SEPHS1: variants seen among roughly 807,000 people sequenced by gnomAD.
SEPHS1 encodes selenophosphate synthetase 1.
Under a neutral mutation model 39.2 loss-of-function variants are expected in SEPHS1, and 7 were observed. The ratio of observed to expected loss-of-function variants is 0.18; its 90% CI spans 0.10 to 0.34. The LOEUF (loss-of-function observed/expected upper bound fraction) is 0.34. SEPHS1 is among the 10% of genes least tolerant of loss of function. The probability of loss-of-function intolerance (pLI) is 1.00; values close to 1 mark genes in which losing one functional copy is unlikely to be tolerated. For synonymous variants in SEPHS1, 190 were observed against 195.5 expected (o/e 0.97, Z 0.23); for missense variants, 253 against 514.5 (o/e 0.49, Z 4.92).
chr10:13,330,959 A>G (rs1833448448), intron 5 of SEPHS1, among the ~76,000 whole-genome samples: 1 of 152,008 alleles, frequency 6.6e-6, no homozygotes, highest in South Asian at 2.1e-4. Context: ...TACATTAGGT[A>G]TATCTCCTAA....
chr10:13,342,409 C>T (rs371816618), intron 2 of SEPHS1, among the ~76,000 whole-genome samples: 20 of 152,026 alleles, frequency 1.3e-4, no homozygotes, highest in African/African-American at 2.9e-4. Context: ...CTTGAAACCC[C>T]GTCTCTACTA....
intron 8 of SEPHS1, among the ~76,000 whole-genome samples, chr10:13,321,573 C>T (rs1048625248): frequency 4.0e-5 from 6 of 151,432 alleles, no homozygotes; most frequent in African/African-American, 1.2e-4. Context: ...CACTCTTTTG[C>T]GGGTAGAAAA....
At position 13,318,218 on chromosome 10, in the gene SEPHS1, G is replaced by A. The variant is rs1832998857; in HGVS notation, c.*924C>T. 6.6e-6 allele frequency: 1 copy of A among 152,522 alleles called. No individual in the cohort carries two copies. Among genetic ancestry groups the A allele is most frequent in the Admixed American group, 6.6e-5 (1 of 15,248 alleles). 9.4% of individuals were successfully genotyped at this position (152,522 alleles called of 1,614,324 possible). ...AAGGACAAAATAATGCTAAGAATTA[G>A]GCCAAACAGCTGCTGATTTTAAGAA... On this transcript the variant is annotated 3_prime_UTR_variant, in exon 9 of 9. Coordinates refer to ENST00000327347, the MANE Select transcript of SEPHS1 (RefSeq NM_012247.5).
intron 4 of SEPHS1, among the ~76,000 whole-genome samples, chr10:13,334,624 G>A (rs772742630): frequency 6.6e-6 from 1 of 151,906 alleles, no homozygotes; most frequent in Non-Finnish European, 1.5e-5. Context: ...GTGGGAGGAT[G>A]TCTTGAGCCC....
chr10:13,330,590 TC>T (rs1340473108), intron 5 of SEPHS1, among the ~76,000 whole-genome samples: 1 of 152,134 alleles, frequency 6.6e-6, no homozygotes, highest in Non-Finnish European at 1.5e-5. Flanking sequence ...CCTGAATCGT[TC>T]CATTCCCCGA....
intron 2 of SEPHS1, among the ~76,000 whole-genome samples, chr10:13,341,170 T>TC (rs1351887513): frequency 1.3e-5 from 2 of 152,138 alleles, no homozygotes; most frequent in African/African-American, 4.8e-5. Flanking sequence ...ACCAATCACA[T>TC]TTCAAGGAAG....
At chr10:13,320,786 C>T (rs1303466522) in intron 8 of SEPHS1, among the ~76,000 whole-genome samples, 3 of 152,174 alleles carry the variant, frequency 2.0e-5, no homozygotes, top group South Asian at 2.1e-4. Context: ...TGAGATCGCG[C>T]CATTGCACTC....
chr10:13,329,850 T>A, intron 5 of SEPHS1, 62 bp from the exon 6 acceptor site: 1 of 1,305,988 alleles, frequency 7.7e-7, no homozygotes, highest in Non-Finnish European at 1.1e-6. Context: ...TCATTGTTAT[T>A]AACACAAGAG....
At position 13,344,965 on chromosome 10, in the gene SEPHS1, G is replaced by T; in HGVS notation, c.-15C>A. ...CGCGTAGACATGGTTCTTGGGCCCC[G>T]CTCTCCTCACAGCTCAGCCCCTCCC... is the stretch of plus-strand genomic sequence containing the variant. On this transcript the variant is annotated 5_prime_UTR_variant, in exon 2 of 9. Transcript: ENST00000327347. 6.7e-7 allele frequency: 1 copy of T among 1,502,946 alleles called. No homozygotes were observed. Among genetic ancestry groups the T allele is most frequent in the Non-Finnish European group, 9.0e-7 (1 of 1,117,302 alleles). The allele number at this position is 1,502,946 out of a possible 1,614,324, so 93.1% of individuals were successfully genotyped here.
intron 5 of SEPHS1, among the ~76,000 whole-genome samples, chr10:13,332,881 T>C (rs902473639): frequency 1.3e-5 from 2 of 150,582 alleles, no homozygotes; most frequent in Non-Finnish European, 1.5e-5. Context: ...GTCTTAAAAA[T>C]AGGATTAAAA....
intron 4 of SEPHS1, among the ~76,000 whole-genome samples, chr10:13,334,709 T>A (rs1447619074): frequency 2.6e-5 from 4 of 152,124 alleles, no homozygotes; most frequent in Non-Finnish European, 5.9e-5. Flanking sequence ...GGAGATCTTG[T>A]CTCAAAAACA....
chr10:13,346,376 C>T (rs901364240), intron 1 of SEPHS1, among the ~76,000 whole-genome samples: 1 of 152,266 alleles, frequency 6.6e-6, no homozygotes, highest in East Asian at 1.9e-4. Flanking sequence ...TAGAGTTTTC[C>T]ATCCCTTGGG....
At chr10:13,342,403 A>G (rs997125080) in intron 2 of SEPHS1, among the ~76,000 whole-genome samples, 1 of 151,906 alleles carries the variant, frequency 6.6e-6, no homozygotes, top group Admixed American at 6.6e-5. Context: ...CAACACCTTG[A>G]AACCCCGTCT....
intron 7 of SEPHS1, among the ~76,000 whole-genome samples, chr10:13,325,276 T>C (rs920583733): frequency 1.4e-4 from 22 of 152,200 alleles, no homozygotes; most frequent in African/African-American, 5.3e-4. Context: ...CAGTTTTATA[T>C]TGTTGTGTTT....
At chr10:13,339,542 G>A (rs1833730304) in intron 2 of SEPHS1, among the ~76,000 whole-genome samples, 1 of 151,942 alleles carries the variant, frequency 6.6e-6, no homozygotes, top group African/African-American at 2.4e-5. Flanking sequence ...TTCCCACCAA[G>A]AAAGCTGAAC....
At position 13,328,403 on chromosome 10, in the gene SEPHS1, T is replaced by C; in HGVS notation, c.699A>G (p.Val233=). The C allele has an allele frequency of 2.5e-6, 4 of 1,613,946 alleles. No individual in the cohort carries two copies. Among genetic ancestry groups the C allele is most frequent in the East Asian group, 2.2e-5 (1 of 44,880 alleles). ...TCATCGCCTCCTGGTAGGCCAGCTC[T>C]ACATCTTCTTGGGTGACCACTAGTT... ...KIKLVVTQED[V]ELAYQEAMMN... is the part of the protein sequence containing the mutation. The change falls in exon 7 of 9, where the codon GTA becomes GTG. Residue 233 remains valine, a synonymous_variant. Transcript: ENST00000327347.
At chr10:13,335,812 T>C (rs1166791763) in intron 4 of SEPHS1, among the ~76,000 whole-genome samples, 3 of 151,078 alleles carry the variant, frequency 2.0e-5, no homozygotes, top group Non-Finnish European at 2.9e-5. Flanking sequence ...AAACCCCGTC[T>C]CTAATAAAAA....
intron 4 of SEPHS1, among the ~76,000 whole-genome samples, chr10:13,335,744 C>A (rs1239268830): frequency 6.6e-6 from 1 of 151,798 alleles, no homozygotes; most frequent in South Asian, 2.1e-4. Context: ...CTTTGGGATG[C>A]CGAGATAGGT....
At chr10:13,341,247 C>T (rs962262153) in intron 2 of SEPHS1, among the ~76,000 whole-genome samples, 10 of 152,104 alleles carry the variant, frequency 6.6e-5, no homozygotes, top group African/African-American at 2.2e-4. Flanking sequence ...AATGGAAAGA[C>T]AGAGGGACGG....
Sources: gnomAD v4.1 joint callset for allele counts (sites outside exome capture counted in the v4.1 genomes callset) on GRCh38, gnomAD v4.1.1 for gene constraint, MANE v1.5 for transcripts, NCBI Gene and HGNC (gene_info 2026-07-23, HGNC 2026-07-21) for gene names.